The following RPTOR variants were observed in gnomAD, a reference collection of about 807,000 sequenced individuals.
RPTOR encodes the protein regulatory-associated protein of mTOR.
In RPTOR, 21 loss-of-function variants were observed where a neutral mutation model predicts 169.9. That is an observed-to-expected ratio of 0.12 (90% CI 0.09 to 0.18). The LOEUF is 0.18. RPTOR is among the 10% of genes least tolerant of loss of function. The pLI is 1.00. For synonymous variants in RPTOR, 732 were observed against 753.2 expected (o/e 0.97, Z 0.46); for missense variants, 1,133 against 1,855.9 (o/e 0.61, Z 7.16).
intron 6 of RPTOR, among the ~76,000 whole-genome samples, chr17:80,769,060 G>A (rs773385185): frequency 1.3e-5 from 2 of 152,186 alleles, no homozygotes; most frequent in Non-Finnish European, 2.9e-5. Flanking sequence ...TTGTTGGAAC[G>A]CCAGAACCGT....
At chr17:80,885,485 C>T (rs369929956) in intron 17 of RPTOR, among the ~76,000 whole-genome samples, 4 of 44,452 alleles carry the variant, frequency 9.0e-5, no homozygotes, top group Admixed American at 1.9e-4. Flanking sequence ...TGTGCTGGGT[C>T]CCCCCCAACA....
chr17:80,810,362 A>G (rs1014809036), intron 7 of RPTOR, among the ~76,000 whole-genome samples: 36 of 152,202 alleles, frequency 2.4e-4, no homozygotes, highest in Non-Finnish European at 4.9e-4. Flanking sequence ...TATTTTCCAT[A>G]TAGATACCAA....
intron 3 of RPTOR, among the ~76,000 whole-genome samples, chr17:80,680,936 C>T (rs1203908041): frequency 6.6e-6 from 1 of 152,132 alleles, no homozygotes; most frequent in Non-Finnish European, 1.5e-5. Flanking sequence ...TCGTGTTCAG[C>T]TGGCATTTGG....
At chr17:80,853,687 TG>T (rs1490249176) in intron 11 of RPTOR, among the ~76,000 whole-genome samples, 1 of 152,154 alleles carries the variant, frequency 6.6e-6, no homozygotes, top group Non-Finnish European at 1.5e-5. Flanking sequence ...CCATTAAAAG[TG>T]TAAAGCTTGG....
intron 21 of RPTOR, among the ~76,000 whole-genome samples, chr17:80,921,838 C>T (rs757323246): frequency 3.3e-5 from 5 of 152,148 alleles, no homozygotes; most frequent in Non-Finnish European, 5.9e-5. Flanking sequence ...CCTGCCAGTG[C>T]GCCCCTCCCC....
In RPTOR at chr17:80,849,704, G is replaced by C. The variant is rs185222900; in HGVS notation, c.1314+3130G>C. ...CGGCTAATTTTTTGTATTTTTAGTAGTGACAAGGTTTCACCATCTTGGCCA... is the reference window on the plus strand; with the variant it reads ...CGGCTAATTTTTTGTATTTTTAGTACTGACAAGGTTTCACCATCTTGGCCA... On this transcript the variant is annotated intron_variant, in intron 11 of 33. Transcript: ENST00000306801. Among the ~76,000 whole-genome samples the C allele has an allele frequency of 5.1e-4, 78 of 152,294 alleles. No homozygotes were observed. The East Asian group carries it at 0.013, about 26-fold the overall frequency.
intron 4 of RPTOR, among the ~76,000 whole-genome samples, chr17:80,712,076 T>A (rs1169932831): frequency 1.3e-5 from 2 of 152,140 alleles, no homozygotes; most frequent in South Asian, 2.1e-4. Context: ...TCATTTTTTT[T>A]AAGAGCAGTT....
intron 7 of RPTOR, among the ~76,000 whole-genome samples, chr17:80,799,783 C>T (rs1216645414): frequency 1.3e-5 from 2 of 152,018 alleles, no homozygotes; most frequent in African/African-American, 4.8e-5. Context: ...CCTTCCCTCC[C>T]CGGCGACCCT....
At chr17:80,905,389 A>G (rs1422696676) in intron 20 of RPTOR, among the ~76,000 whole-genome samples, 1 of 150,680 alleles carries the variant, frequency 6.6e-6, no homozygotes, top group African/African-American at 2.4e-5. Context: ...GATCAAGACC[A>G]TCCTGCCTAA....
rs1413627402 is a variant in RPTOR, at chr17:80,673,608, G to A, written c.348+29798G>A. Among the ~76,000 whole-genome samples, 5 of 152,346 alleles carry A rather than the reference G, an allele frequency of 3.3e-5. No homozygotes were observed. The East Asian group carries it at 9.6e-4, about 29-fold the overall frequency. On this transcript the variant is annotated intron_variant, in intron 3 of 33. Transcript: ENST00000306801. ...CTTCGCTGTCATCCAGATTGCTCTT[G>A]CTTTGATGGAGCCACTTCTTGGTAG...
chr17:80,852,193 C>T (rs1159937654), intron 11 of RPTOR, among the ~76,000 whole-genome samples: 2 of 152,192 alleles, frequency 1.3e-5, no homozygotes, highest in Non-Finnish European at 2.9e-5. Flanking sequence ...ACGGACTCTG[C>T]CTCATTGAAC....
At chr17:80,795,139 C>T (rs1477818329) in intron 7 of RPTOR, among the ~76,000 whole-genome samples, 1 of 152,194 alleles carries the variant, frequency 6.6e-6, no homozygotes, top group Non-Finnish European at 1.5e-5. Flanking sequence ...CGGCTGGCCA[C>T]CGCTGCGGAC....
chr17:80,619,624 C>T (rs551478403), intron 1 of RPTOR, among the ~76,000 whole-genome samples: 2 of 152,300 alleles, frequency 1.3e-5, no homozygotes, highest in South Asian at 2.1e-4. Flanking sequence ...ATTATTTCCA[C>T]AGCTCATTTG....
At chr17:80,587,588 T>A (rs974721969) in intron 1 of RPTOR, among the ~76,000 whole-genome samples, 4 of 152,236 alleles carry the variant, frequency 2.6e-5, no homozygotes, top group African/African-American at 9.6e-5. Context: ...GCCCACACTG[T>A]TACGCATTTT....
intron 1 of RPTOR, among the ~76,000 whole-genome samples, chr17:80,612,958 GTA>G (rs2065281586): frequency 6.6e-6 from 1 of 152,228 alleles, no homozygotes; most frequent in Non-Finnish European, 1.5e-5. Flanking sequence ...AAGCGTGTAT[GTA>G]TAGTTATAAA....
chr17:80,655,576 ATT>A (rs36041783), intron 3 of RPTOR, among the ~76,000 whole-genome samples: 4 of 135,676 alleles, frequency 2.9e-5, no homozygotes, highest in Non-Finnish European at 1.6e-5. Context: ...CTAATTTTTA[ATT>A]TTTTTTTTTT....
At chr17:80,656,620 A>T (rs2065681650) in intron 3 of RPTOR, among the ~76,000 whole-genome samples, 1 of 152,204 alleles carries the variant, frequency 6.6e-6, no homozygotes, top group Admixed American at 6.5e-5. Context: ...ACCATGTGTC[A>T]TCTCAGAGTA....
chr17:80,641,283 T>G (rs1189497106), intron 2 of RPTOR, among the ~76,000 whole-genome samples: 2 of 152,216 alleles, frequency 1.3e-5, no homozygotes, highest in Admixed American at 6.5e-5. Context: ...AGTTAGATAT[T>G]ACCTGGTTTT....
At chr17:80,819,887 G>A (rs572151216) in intron 7 of RPTOR, among the ~76,000 whole-genome samples, 2 of 152,314 alleles carry the variant, frequency 1.3e-5, no homozygotes, top group Admixed American at 6.5e-5. Flanking sequence ...CTCCAGGCAC[G>A]TTGTTACAGT....
Sources: gnomAD v4.1 joint callset for allele counts (sites outside exome capture counted in the v4.1 genomes callset) on GRCh38, gnomAD v4.1.1 for gene constraint, MANE v1.5 for transcripts, NCBI Gene and HGNC (gene_info 2026-07-23, HGNC 2026-07-21) for gene names.